CCDC18: variants seen among roughly 807,000 people sequenced by gnomAD.
CCDC18 encodes the protein coiled-coil domain containing 18.
Under a neutral mutation model 196.0 loss-of-function variants are expected in CCDC18, and 157 were observed. The ratio of observed to expected loss-of-function variants is 0.80; its 90% CI spans 0.70 to 0.91. CCDC18 has a LOEUF of 0.91. Among genes scored for constraint, CCDC18 ranks in the 40% least tolerant of loss-of-function variants. The pLI is 0.00. For missense variants in CCDC18, 1,465 were observed against 1,611.6 expected, an observed-to-expected ratio of 0.91 and a Z score of 1.56; for synonymous variants, 482 against 529.2, an observed-to-expected ratio of 0.91 and a Z score of 1.22.
In CCDC18 at chr1:93,205,492, C is replaced by G; in HGVS notation, c.796-18C>G. On this transcript the variant is annotated intron_variant, in intron 7 of 28. Coordinates refer to ENST00000690025, the MANE Select transcript of CCDC18 (RefSeq NM_001378204.1). The stretch of plus-strand genomic sequence containing the variant: ...ACTTACAACCACATTAGTATGTCCA[C>G]TTAAATTATTGTTTTAGGTTCAAGC... 6.4e-7 allele frequency: 1 copy of G among 1,565,396 alleles called. No homozygotes were observed. Among genetic ancestry groups the G allele is most frequent in the African/African-American group, 1.4e-5 (1 of 72,280 alleles).
chr1:93,236,143 A>G, intron 18 of CCDC18, 105 bp from the exon 19 acceptor site: 4 of 876,850 alleles, frequency 4.6e-6, no homozygotes, highest in Non-Finnish European at 6.9e-6. Flanking sequence ...CTTGGTCTAT[A>G]TGTTGATTTT....
intron 4 of CCDC18, among the ~76,000 whole-genome samples, chr1:93,187,960 CTG>C (rs1206092366): frequency 1.3e-5 from 2 of 152,234 alleles, no homozygotes; most frequent in East Asian, 3.9e-4. Context: ...TTTTCTTCAA[CTG>C]TAGATAATCT....
intron 10 of CCDC18, 96 bp from the exon 11 acceptor site, chr1:93,212,005 A>C: frequency 9.3e-7 from 1 of 1,079,284 alleles, no homozygotes; most frequent in South Asian, 1.5e-5. Context: ...TAGAATTCTA[A>C]TTTTTTAAAT....
intron 19 of CCDC18, among the ~76,000 whole-genome samples, chr1:93,238,165 C>T (rs1660300220): frequency 6.6e-6 from 1 of 152,192 alleles, no homozygotes; most frequent in South Asian, 2.1e-4. Context: ...GGCTCTATGC[C>T]AATCTCTTTT....
intron 23 of CCDC18, among the ~76,000 whole-genome samples, chr1:93,247,564 C>T (rs180782791): frequency 1.2e-4 from 18 of 152,084 alleles, no homozygotes; most frequent in African/African-American, 3.6e-4. Flanking sequence ...TACAGGCGTG[C>T]ACCACCATGA....
chr1:93,272,200 C>G (rs1048461731), intron 28 of CCDC18, among the ~76,000 whole-genome samples: 3 of 152,126 alleles, frequency 2.0e-5, no homozygotes. Context: ...ATATGTCTAT[C>G]TACTTGTTTA....
At chr1:93,233,209 T>C (rs1386540261) in intron 18 of CCDC18, among the ~76,000 whole-genome samples, 1 of 152,182 alleles carries the variant, frequency 6.6e-6, no homozygotes, top group Non-Finnish European at 1.5e-5. Flanking sequence ...GTATGTGATA[T>C]TCCTTAAAGA....
chr1:93,192,246 A>G lies in CCDC18; in HGVS notation c.569+140A>G, dbSNP rs1173245055. ...AGCTGTCTTAGAACTTGTTGAATCT[A>G]TTTTTAGTCAATCATAACTCCTCTT... On this transcript the variant is annotated intron_variant, in intron 5 of 28. Transcript: ENST00000690025. The G allele has an allele frequency of 9.5e-6, 6 of 632,380 alleles. No homozygotes were observed. The Admixed American group carries it at 1.4e-4, about 15-fold the overall frequency. The allele number at this position is 632,380 out of a possible 1,614,324, so 39.2% of individuals were successfully genotyped here.
In CCDC18 at chr1:93,186,450, T is replaced by C; in HGVS notation, c.409T>C (p.Leu137=). Residue 137 remains leucine, a synonymous_variant, in exon 4 of 29, where the codon TTA becomes CTA. Coordinates refer to ENST00000690025, the MANE Select transcript of CCDC18 (RefSeq NM_001378204.1). ...TTGTTTGGTCACACAGAATCATTCC[T>C]TAATGACTAAATTTGAATCTATTCA... ...NACLVTQNHS[L]MTKFESIHFE... 1.2e-6 allele frequency: 2 copies of C among 1,610,870 alleles called. No individual in the cohort carries two copies. The highest frequency in any genetic ancestry group is 1.7e-6 in the Non-Finnish European group (2 of 1,177,892).
intron 7 of CCDC18, among the ~76,000 whole-genome samples, chr1:93,204,208 A>C (rs371435022): frequency 6.6e-6 from 1 of 152,182 alleles, no homozygotes; most frequent in East Asian, 1.9e-4. Context: ...AATGATATGC[A>C]AGATGATAGT....
rs983365596 is a variant in CCDC18, at chr1:93,273,038, G to A, written c.4353+2224G>A. Among the ~76,000 whole-genome samples, 143 of 151,994 alleles carry A rather than the reference G, an allele frequency of 9.4e-4. 1 individual carries two copies. The highest frequency in any genetic ancestry group is 8.9e-3 in the Admixed American group (135 of 15,244). Reference sequence around the variant, plus strand: ...AACACATGGAATGGAAGGTTTGATAGTGGGAGAGAAATTTCTTTATCAATT... The same window carrying A: ...AACACATGGAATGGAAGGTTTGATAATGGGAGAGAAATTTCTTTATCAATT... On this transcript the variant is annotated intron_variant, in intron 28 of 28. Transcript: ENST00000690025.
intron 19 of CCDC18, among the ~76,000 whole-genome samples, chr1:93,238,809 T>G (rs1293582847): frequency 6.6e-6 from 1 of 152,156 alleles, no homozygotes; most frequent in Non-Finnish European, 1.5e-5. Context: ...TTCAGTTTCC[T>G]CCTCTGTAAA....
Position 93,184,062 on chromosome 1 carries a change from T to C in CCDC18, c.219T>C (p.Pro73=). The C allele has an allele frequency of 6.3e-7, 1 of 1,591,820 alleles. No homozygotes were observed. Among genetic ancestry groups the C allele is most frequent in the Admixed American group, 1.7e-5 (1 of 59,216 alleles). ...TTTTGGATGTTCAGCCTAGCCACCC[T>C]GGACTTTTGAATTATTCACCTTATG... The part of the protein sequence containing the change: ...KLILDVQPSH[P]GLLNYSPYEN... The change falls in exon 3 of 29, where the codon CCT becomes CCC. Residue 73 remains proline (P), a synonymous_variant. Transcript: ENST00000690025.
In CCDC18 at chr1:93,239,298, GT is replaced by G; in HGVS notation, c.2604-7del. ...TTCTAAATTACCTGTTTTATTATTTGTTTTTAATTAGGCAAGTAAAGATTGA... is the reference window on the plus strand; with the variant it reads ...TTCTAAATTACCTGTTTTATTATTTGTTTTAATTAGGCAAGTAAAGATTGA... On this transcript the variant is annotated splice_polypyrimidine_tract_variant and intron_variant, in intron 19 of 28. Coordinates refer to ENST00000690025, the MANE Select transcript of CCDC18 (RefSeq NM_001378204.1). The G allele has an allele frequency of 6.6e-7, 1 of 1,523,120 alleles. No individual in the cohort carries two copies. The highest frequency in any genetic ancestry group is 8.8e-7 in the Non-Finnish European group (1 of 1,134,596). The allele number at this position is 1,523,120 out of a possible 1,614,324, so 94.4% of individuals were successfully genotyped here.
chr1:93,243,954 A>G (rs907183799), intron 21 of CCDC18, among the ~76,000 whole-genome samples: 7 of 152,192 alleles, frequency 4.6e-5, no homozygotes, highest in Admixed American at 2.0e-4. Flanking sequence ...CCTGTTACCC[A>G]GTTCCAAAGT....
At chr1:93,274,258 C>G (rs555282430) in intron 28 of CCDC18, among the ~76,000 whole-genome samples, 73 of 152,170 alleles carry the variant, frequency 4.8e-4, no homozygotes, top group African/African-American at 1.7e-3. Context: ...CAAAAATTAG[C>G]TGGGCATGGT....
intron 23 of CCDC18, among the ~76,000 whole-genome samples, chr1:93,251,315 T>C (rs1413884182): frequency 6.6e-6 from 1 of 152,234 alleles, no homozygotes; most frequent in African/African-American, 2.4e-5. Flanking sequence ...AATAAATTGT[T>C]GTAATTATTA....
Position 93,271,152 on chromosome 1 carries a change from T to A in CCDC18, c.4353+338T>A, listed in dbSNP as rs904084421. On this transcript the variant is annotated intron_variant, in intron 28 of 28. Transcript: ENST00000690025. The stretch of plus-strand genomic sequence containing the variant: ...TGCAGTGAGAGGAATCCAGAGAAAG[T>A]AGGTTCTGAGGTGAATGTTCTCATA... 3.0e-6 allele frequency: 3 copies of A among 985,146 alleles called. No individual in the cohort carries two copies. The African/African-American group carries it at 5.2e-5, about 17-fold the overall frequency. The allele number at this position is 985,146 out of a possible 1,614,324, so 61.0% of individuals were successfully genotyped here.
chr1:93,200,334 T>TAA (rs34770788), intron 6 of CCDC18, among the ~76,000 whole-genome samples: 8,427 of 141,290 alleles, frequency 0.06, 723 homozygotes, highest in African/African-American at 0.19. Flanking sequence ...GGAGATTATT[T>TAA]AAAAAAAAAA....
Sources: gnomAD v4.1 joint callset for allele counts (sites outside exome capture counted in the v4.1 genomes callset) on GRCh38, gnomAD v4.1.1 for gene constraint, MANE v1.5 for transcripts, NCBI Gene and HGNC (gene_info 2026-07-23, HGNC 2026-07-21) for gene names.